Variants in KCTD8 observed in about 807,000 individuals in gnomAD.
The protein encoded by KCTD8 is BTB/POZ domain-containing protein KCTD8.
A neutral mutation model predicts 31.5 loss-of-function variants in KCTD8; 27 were observed. The ratio of observed to expected loss-of-function variants is 0.86; its 90% CI spans 0.63 to 1.18. The LOEUF is 1.18. Ranked by LOEUF, KCTD8 falls within the 50% of genes most tolerant of loss-of-function variation. The pLI is 0.00. For missense variants in KCTD8, 658 were observed against 647.7 expected (o/e 1.02, Z -0.17); for synonymous variants, 290 against 280.0 (o/e 1.04, Z -0.36).
chr4:44,276,398 C>T lies in KCTD8; in HGVS notation c.962-101148G>A, dbSNP rs77793821. Among the ~76,000 whole-genome samples, 309 of 151,860 alleles carry T rather than the reference C, an allele frequency of 2.0e-3. 8 individuals carry two copies. The East Asian group carries it at 0.052, about 26-fold the overall frequency. On this transcript the variant is annotated intron_variant, in intron 1 of 1. Coordinates refer to ENST00000360029, the MANE Select transcript of KCTD8 (RefSeq NM_198353.3). ...AGAGAATTCTAAGTTATATAGTTGG[C>T]CTCTTATTCGTTTGGATGCAGCTAT...
intron 1 of KCTD8, among the ~76,000 whole-genome samples, chr4:44,194,669 A>C (rs1263126077): frequency 6.6e-6 from 1 of 151,386 alleles, no homozygotes; most frequent in Non-Finnish European, 1.5e-5. Flanking sequence ...CGGGGTGCCT[A>C]CTCTTTGTTC....
At chr4:44,330,481 G>A (rs1176053389) in intron 1 of KCTD8, among the ~76,000 whole-genome samples, 1 of 151,812 alleles carries the variant, frequency 6.6e-6, no homozygotes, top group East Asian at 1.9e-4. Flanking sequence ...GATGTTATCA[G>A]TATCCCAAAT....
At chr4:44,215,102 A>T (rs963229634) in intron 1 of KCTD8, among the ~76,000 whole-genome samples, 5 of 151,958 alleles carry the variant, frequency 3.3e-5, no homozygotes, top group African/African-American at 1.2e-4. Context: ...CCACTTTCTG[A>T]CTCCTTACCC....
At chr4:44,316,614 G>C (rs1331586350) in intron 1 of KCTD8, among the ~76,000 whole-genome samples, 1 of 151,666 alleles carries the variant, frequency 6.6e-6, no homozygotes, top group Admixed American at 6.6e-5. Flanking sequence ...GAAATATTGA[G>C]GTATGTCAGC....
At chr4:44,296,197 C>T (rs1033065769) in intron 1 of KCTD8, among the ~76,000 whole-genome samples, 12 of 152,062 alleles carry the variant, frequency 7.9e-5, no homozygotes, top group African/African-American at 2.2e-4. Context: ...ATTTAGTTTC[C>T]TCACCCTCAA....
At chr4:44,367,128 C>T (rs12498530) in intron 1 of KCTD8, among the ~76,000 whole-genome samples, 17,837 of 152,054 alleles carry the variant, frequency 0.12, 1,247 homozygotes, top group East Asian at 0.24. Flanking sequence ...GTTCCTTCTT[C>T]CTCTTCCACT....
rs535512949 is a variant in KCTD8, at chr4:44,323,607, A to AT, written c.961+123955dup. 2.3e-3 allele frequency among the ~76,000 whole-genome samples: 345 copies of AT among 151,176 alleles called. 5 individuals are homozygous for AT. Among genetic ancestry groups the AT allele is most frequent in the African/African-American group, 8.1e-3 (330 of 40,982 alleles). On this transcript the variant is annotated intron_variant, in intron 1 of 1. Transcript: ENST00000360029. ...TCACCACTTGCCCTGGGATCCTTTGATTTTTTTATCCCATCCTTAGAATCC... is the reference window on the plus strand; with the variant it reads ...TCACCACTTGCCCTGGGATCCTTTGATTTTTTTTATCCCATCCTTAGAATCC...
At chr4:44,402,145 G>T (rs1458701855) in intron 1 of KCTD8, among the ~76,000 whole-genome samples, 1 of 152,152 alleles carries the variant, frequency 6.6e-6, no homozygotes, top group Non-Finnish European at 1.5e-5. Context: ...TAGAGCTGGA[G>T]AACAACAACT....
chr4:44,391,251 A>C (rs1303364419), intron 1 of KCTD8, among the ~76,000 whole-genome samples: 1 of 151,940 alleles, frequency 6.6e-6, no homozygotes, highest in Non-Finnish European at 1.5e-5. Flanking sequence ...TGGGTGCACC[A>C]AAATCTCAGA....
At chr4:44,404,602 G>C (rs1374182687) in intron 1 of KCTD8, among the ~76,000 whole-genome samples, 1 of 152,134 alleles carries the variant, frequency 6.6e-6, no homozygotes, top group African/African-American at 2.4e-5. Context: ...TTTTGCCTCA[G>C]GGCTAGAGAC....
chr4:44,394,395 G>C (rs1448828788), intron 1 of KCTD8, among the ~76,000 whole-genome samples: 2 of 151,794 alleles, frequency 1.3e-5, no homozygotes, highest in African/African-American at 4.8e-5. Context: ...ACCATAGTAT[G>C]TCTCAAAGAA....
chr4:44,425,009 T>C (rs1721311084), intron 1 of KCTD8, among the ~76,000 whole-genome samples: 1 of 151,976 alleles, frequency 6.6e-6, no homozygotes, highest in South Asian at 2.1e-4. Context: ...GGTATCTGTA[T>C]AAGAAGAGAT....
Position 44,303,541 on chromosome 4 carries a change from C to G in KCTD8, c.962-128291G>C, listed in dbSNP as rs189550938. ...ATAAGAACTCTTAAATAAGGCCAGGCATGGTGGCTCATTCCTGTAATCCCA... is the reference window on the plus strand; with the variant it reads ...ATAAGAACTCTTAAATAAGGCCAGGGATGGTGGCTCATTCCTGTAATCCCA... On this transcript the variant is annotated intron_variant, in intron 1 of 1. Coordinates refer to ENST00000360029, the MANE Select transcript of KCTD8 (RefSeq NM_198353.3). Among the ~76,000 whole-genome samples the G allele has an allele frequency of 5.4e-3, 822 of 152,150 alleles. 6 individuals carry two copies. The highest frequency in any genetic ancestry group is 0.017 in the Middle Eastern group (5 of 294).
intron 1 of KCTD8, among the ~76,000 whole-genome samples, chr4:44,276,275 ACAGGTTT>A (rs1403210578): frequency 2.6e-5 from 4 of 152,038 alleles, no homozygotes; most frequent in African/African-American, 9.7e-5. Flanking sequence ...AACAGTTGCT[ACAGGTTT>A]CACCAAGTTT....
At chr4:44,438,656 C>T (rs964713642) in intron 1 of KCTD8, among the ~76,000 whole-genome samples, 2 of 152,082 alleles carry the variant, frequency 1.3e-5, no homozygotes, top group African/African-American at 4.8e-5. Context: ...AAAGTAAGAA[C>T]TCATTAATGA....
chr4:44,422,367 G>C (rs373284139), intron 1 of KCTD8, among the ~76,000 whole-genome samples: 3 of 151,922 alleles, frequency 2.0e-5, no homozygotes, highest in East Asian at 1.9e-4. Context: ...TGTGTAAATG[G>C]GAAGGAGGAA....
intron 1 of KCTD8, among the ~76,000 whole-genome samples, chr4:44,264,750 G>A (rs569361236): frequency 2.6e-5 from 4 of 152,274 alleles, no homozygotes; most frequent in South Asian, 2.1e-4. Flanking sequence ...CACATGGCTC[G>A]GAGGGTCCTA....
chr4:44,238,434 G>C (rs776518255), intron 1 of KCTD8, among the ~76,000 whole-genome samples: 1 of 152,086 alleles, frequency 6.6e-6, no homozygotes, highest in African/African-American at 2.4e-5. Context: ...TGAAAGTAGA[G>C]ACTACATGTA....
intron 1 of KCTD8, among the ~76,000 whole-genome samples, chr4:44,351,301 G>A (rs1719187744): frequency 1.3e-5 from 2 of 152,018 alleles, no homozygotes; most frequent in African/African-American, 2.4e-5. Context: ...ACGTTCTGGG[G>A]ATAACATTAT....
Sources: gnomAD v4.1 joint callset for allele counts (sites outside exome capture counted in the v4.1 genomes callset) on GRCh38, gnomAD v4.1.1 for gene constraint, MANE v1.5 for transcripts, NCBI Gene and HGNC (gene_info 2026-07-23, HGNC 2026-07-21) for gene names.